WDPCP: variants seen among roughly 807,000 people sequenced by gnomAD.
The protein encoded by WDPCP is WD repeat-containing and planar cell polarity effector protein fritz homolog.
Under a neutral mutation model 93.1 loss-of-function variants are expected in WDPCP, and 71 were observed. That is an observed-to-expected ratio of 0.76 (90% CI 0.63 to 0.93). The LOEUF is 0.93. Ranked by LOEUF, WDPCP falls within the 40% of genes least tolerant of loss-of-function variation. The pLI is 0.00. For missense variants in WDPCP, 844 were observed against 887.4 expected (o/e 0.95, Z 0.62); for synonymous variants, 315 against 315.0 (o/e 1.00, Z 0.00).
At chr2:63,174,624 T>C (rs777876766) in intron 15 of WDPCP, 46 bp downstream of exon 15, 73 of 1,608,910 alleles carry the variant, frequency 4.5e-5, no homozygotes, top group Non-Finnish European at 6.0e-5. Flanking sequence ...GAACAGGTAA[T>C]ACTAAATACT....
chr2:63,556,885 T>C (rs1706166757), intron 1 of WDPCP, among the ~76,000 whole-genome samples: 1 of 152,126 alleles, frequency 6.6e-6, no homozygotes, highest in African/African-American at 2.4e-5. Context: ...CAGAAAAGAA[T>C]TTCCAACCCA....
At chr2:63,553,611 C>T (rs576412892) in intron 1 of WDPCP, among the ~76,000 whole-genome samples, 4 of 151,790 alleles carry the variant, frequency 2.6e-5, no homozygotes, top group Non-Finnish European at 5.9e-5. Flanking sequence ...TTAAGCTCAC[C>T]TTTACATCAA....
intron 12 of WDPCP, among the ~76,000 whole-genome samples, chr2:63,338,763 G>A (rs1400585205): frequency 1.3e-5 from 2 of 151,328 alleles, no homozygotes; most frequent in African/African-American, 4.8e-5. Flanking sequence ...CCAGTGCTAT[G>A]CTGTTTCAGT....
intron 13 of WDPCP, among the ~76,000 whole-genome samples, chr2:63,295,880 C>CAAAAAAAAAAAAAAAAAAAA (rs59418675): frequency 8.7e-6 from 1 of 115,254 alleles, no homozygotes; most frequent in Non-Finnish European, 1.8e-5. Context: ...GAAACTATTC[C>CAAAAAAAAAAAAAAAAAAAA]AAAAAAAAAA....
At chr2:63,536,470 T>C in intron 1 of WDPCP, among the ~76,000 whole-genome samples, 1 of 152,080 alleles carries the variant, frequency 6.6e-6, no homozygotes, top group Non-Finnish European at 1.5e-5. Context: ...CAAATGTCCA[T>C]CAATGATAGA....
At chr2:63,449,598 C>T (rs1439957434) in intron 6 of WDPCP, among the ~76,000 whole-genome samples, 1 of 152,122 alleles carries the variant, frequency 6.6e-6, no homozygotes, top group Non-Finnish European at 1.5e-5. Flanking sequence ...TCCACATCCC[C>T]ACTATGGACT....
At chr2:63,165,379 A>G (rs1246750377) in intron 15 of WDPCP, among the ~76,000 whole-genome samples, 1 of 152,030 alleles carries the variant, frequency 6.6e-6, no homozygotes, top group African/African-American at 2.4e-5. Flanking sequence ...ACAACCTTGT[A>G]TTTTCAGGGT....
chr2:63,299,722 C>T (rs775658041), intron 13 of WDPCP, among the ~76,000 whole-genome samples: 2 of 152,086 alleles, frequency 1.3e-5, no homozygotes, highest in African/African-American at 2.4e-5. Context: ...TGTTGCTCTG[C>T]GACATTACAT....
intron 12 of WDPCP, among the ~76,000 whole-genome samples, chr2:63,327,859 A>G (rs975675077): frequency 2.6e-5 from 4 of 152,132 alleles, no homozygotes; most frequent in Non-Finnish European, 4.4e-5. Context: ...GGAACCCCAA[A>G]TGAGTTCGAC....
chr2:63,731,077 T>G (rs1224673292), intron 2 of WDPCP, among the ~76,000 whole-genome samples: 1 of 152,104 alleles, frequency 6.6e-6, no homozygotes, highest in Non-Finnish European at 1.5e-5. Flanking sequence ...GAGACAATCC[T>G]GGCAAACATG....
At chr2:63,399,467 G>C (rs1339057687) in intron 10 of WDPCP, among the ~76,000 whole-genome samples, 1 of 151,990 alleles carries the variant, frequency 6.6e-6, no homozygotes, top group African/African-American at 2.4e-5. Context: ...TTTTTGCAAA[G>C]CTGTTGTGAG....
intron 2 of WDPCP, among the ~76,000 whole-genome samples, chr2:63,750,396 G>A (rs1266484300): frequency 3.3e-5 from 5 of 151,610 alleles, no homozygotes; most frequent in Admixed American, 6.6e-5. Flanking sequence ...TTTATTTCAC[G>A]CACAACCTTG....
At position 63,479,796 on chromosome 2, in the gene WDPCP, TG is replaced by T. The variant is rs371574948; in HGVS notation, c.384+4807del. Reference sequence around the variant, plus strand: ...TCAACACTTCTATTCAACATAGTACTGGAAGTCCCAGCCAGAGCTGGAACAA... The same window carrying T: ...TCAACACTTCTATTCAACATAGTACTGAAGTCCCAGCCAGAGCTGGAACAA... On this transcript the variant is annotated intron_variant, in intron 6 of 17. Transcript: ENST00000272321. Among the ~76,000 whole-genome samples, 504 of 152,156 alleles carry T rather than the reference TG, an allele frequency of 3.3e-3. 3 individuals carry two copies. The highest frequency in any genetic ancestry group is 0.011 in the African/African-American group (469 of 41,544).
chr2:63,426,705 A>T (rs534110215), intron 9 of WDPCP, among the ~76,000 whole-genome samples: 16 of 152,314 alleles, frequency 1.1e-4, no homozygotes, highest in Admixed American at 1.0e-3. Flanking sequence ...TCAAAATCTC[A>T]CATATCAGTA....
chr2:63,149,988 G>A lies in WDPCP; in HGVS notation c.2190+2926C>T, dbSNP rs148972387. ...TGCACTCCAGCCTGGGTGACAGAGT[G>A]AGACTCTTTCTCTTAAAAAAAAAAG... On this transcript the variant is annotated intron_variant, in intron 17 of 17. Transcript: ENST00000272321. Among the ~76,000 whole-genome samples, 66 of 152,072 alleles carry A rather than the reference G, an allele frequency of 4.3e-4. 1 individual carries two copies. The East Asian group carries it at 0.013, about 29-fold the overall frequency.
At chr2:63,621,013 G>A (rs1232031810) in intron 3 of WDPCP, among the ~76,000 whole-genome samples, 5 of 152,058 alleles carry the variant, frequency 3.3e-5, no homozygotes, top group Non-Finnish European at 7.4e-5. Context: ...CCCATCCGAA[G>A]GTCACCAACA....
intron 9 of WDPCP, among the ~76,000 whole-genome samples, chr2:63,405,622 T>C (rs1037230091): frequency 1.3e-5 from 2 of 150,412 alleles, no homozygotes; most frequent in Non-Finnish European, 1.5e-5. Flanking sequence ...CATCCACATA[T>C]ATCGAGGGAC....
chr2:63,200,578 A>G (rs929145043), intron 14 of WDPCP, among the ~76,000 whole-genome samples: 2 of 152,238 alleles, frequency 1.3e-5, no homozygotes, highest in Admixed American at 6.5e-5. Flanking sequence ...CCAGGCACAG[A>G]AAGACAAACT....
chr2:63,245,909 C>A (rs1680234608), intron 14 of WDPCP, among the ~76,000 whole-genome samples: 1 of 152,112 alleles, frequency 6.6e-6, no homozygotes, highest in Non-Finnish European at 1.5e-5. Context: ...GTGTTAGGAA[C>A]ATTACAATTC....
Sources: gnomAD v4.1 joint callset for allele counts (sites outside exome capture counted in the v4.1 genomes callset) on GRCh38, gnomAD v4.1.1 for gene constraint, MANE v1.5 for transcripts, NCBI Gene and HGNC (gene_info 2026-07-23, HGNC 2026-07-21) for gene names.